KIAA1217: variants seen among roughly 807,000 people sequenced by gnomAD.
KIAA1217 encodes the protein sickle tail protein homolog.
Under a neutral mutation model 163.9 loss-of-function variants are expected in KIAA1217, and 88 were observed. The ratio of observed to expected loss-of-function variants is 0.54; its 90% confidence interval spans 0.45 to 0.64. The LOEUF is 0.64. Ranked by LOEUF, KIAA1217 falls within the 30% of genes least tolerant of loss-of-function variation. KIAA1217 has a pLI of 0.00. For missense variants in KIAA1217, 2,372 were observed against 2,475.0 expected (o/e 0.96, Z 0.88); for synonymous variants, 903 against 923.1 (o/e 0.98, Z 0.39).
Position 24,545,909 on chromosome 10 carries a change from C to T in KIAA1217, c.5417C>T (p.Ser1806Phe). The T allele has an allele frequency of 6.2e-7, 1 of 1,614,176 alleles. No homozygotes were observed. The change falls in exon 21 of 21, where the codon TCT (serine) becomes TTT (phenylalanine). Residue 1806 changes from serine (S) to phenylalanine (F), a missense_variant. Ser to Phe is a radical substitution (Grantham distance 155). Coordinates refer to ENST00000376454, the MANE Select transcript of KIAA1217 (RefSeq NM_019590.5). Reference protein sequence around the residue: ...SLPASKIPALSPSSGKSSSLP... With the variant: ...SLPASKIPALFPSSGKSSSLP... Reference sequence around the variant, plus strand: ...CCTGCTTCTAAGATTCCAGCCCTTTCTCCCAGCTCTGGGAAAAGCAGTTCT... The same window carrying T: ...CCTGCTTCTAAGATTCCAGCCCTTTTTCCCAGCTCTGGGAAAAGCAGTTCT...
intron 1 of KIAA1217, among the ~76,000 whole-genome samples, chr10:23,857,686 T>C (rs895552936): frequency 6.6e-6 from 1 of 152,108 alleles, no homozygotes; most frequent in South Asian, 2.1e-4. Context: ...CCACATTGCC[T>C]CTAAGAATTT....
intron 1 of KIAA1217, among the ~76,000 whole-genome samples, chr10:23,821,588 C>T (rs1837623441): frequency 6.6e-6 from 1 of 152,172 alleles, no homozygotes; most frequent in Non-Finnish European, 1.5e-5. Context: ...TTTTAATAGC[C>T]AGTTTCTTGG....
At chr10:24,396,477 T>C (rs564919830) in intron 3 of KIAA1217, among the ~76,000 whole-genome samples, 39 of 152,072 alleles carry the variant, frequency 2.6e-4, no homozygotes, top group African/African-American at 9.4e-4. Flanking sequence ...ATATAATAGA[T>C]GGTATAAGTG....
chr10:24,348,453 G>T (rs2048068612), intron 2 of KIAA1217, among the ~76,000 whole-genome samples: 1 of 151,950 alleles, frequency 6.6e-6, no homozygotes, highest in Admixed American at 6.6e-5. Context: ...TATATTAAAT[G>T]GTGAAAATAT....
chr10:24,276,014 C>G (rs938240345), intron 2 of KIAA1217, among the ~76,000 whole-genome samples: 2 of 152,144 alleles, frequency 1.3e-5, no homozygotes, highest in African/African-American at 4.8e-5. Context: ...CTGACCATTT[C>G]TTTTTCCACT....
chr10:24,340,524 T>C (rs1171141597), intron 2 of KIAA1217, among the ~76,000 whole-genome samples: 3 of 152,192 alleles, frequency 2.0e-5, no homozygotes, highest in Non-Finnish European at 2.9e-5. Context: ...AGTCTTGGTA[T>C]GTCTTTATCA....
chr10:24,462,203 A>G (rs1247666216), intron 5 of KIAA1217, among the ~76,000 whole-genome samples: 3 of 151,650 alleles, frequency 2.0e-5, no homozygotes, highest in Non-Finnish European at 4.4e-5. Flanking sequence ...TAACTAATAT[A>G]TAACTAATTA....
chr10:23,779,329 C>T (rs1281946544), intron 1 of KIAA1217, among the ~76,000 whole-genome samples: 1 of 152,160 alleles, frequency 6.6e-6, no homozygotes, highest in African/African-American at 2.4e-5. Context: ...ATCCAAGCTC[C>T]TCCTTTTCTT....
intron 2 of KIAA1217, among the ~76,000 whole-genome samples, chr10:24,191,238 A>G (rs1447917094): frequency 6.6e-6 from 1 of 152,172 alleles, no homozygotes; most frequent in Non-Finnish European, 1.5e-5. Flanking sequence ...TTTTTTCATA[A>G]TGTAGTTTTA....
At chr10:24,267,544 C>T (rs527943471) in intron 2 of KIAA1217, among the ~76,000 whole-genome samples, 4 of 152,240 alleles carry the variant, frequency 2.6e-5, no homozygotes, top group African/African-American at 9.6e-5. Context: ...AACTCCTGGC[C>T]TCAAATGATC....
intron 1 of KIAA1217, among the ~76,000 whole-genome samples, chr10:23,847,975 C>T (rs146344247): frequency 1.6e-4 from 24 of 152,216 alleles, no homozygotes; most frequent in Middle Eastern, 6.8e-3. Context: ...TCGTTATGTA[C>T]CCAGTGGTCA....
At chr10:23,772,112 A>T (rs1030363792) in intron 1 of KIAA1217, among the ~76,000 whole-genome samples, 16 of 152,226 alleles carry the variant, frequency 1.1e-4, no homozygotes, top group African/African-American at 2.9e-4. Flanking sequence ...ATTTAAGAAA[A>T]GTAAAATATA....
chr10:24,357,049 C>T (rs1286401786), intron 2 of KIAA1217, among the ~76,000 whole-genome samples: 1 of 152,268 alleles, frequency 6.6e-6, no homozygotes, highest in East Asian at 1.9e-4. Flanking sequence ...GACTCTCAGC[C>T]CAGTGCTCTC....
intron 2 of KIAA1217, among the ~76,000 whole-genome samples, chr10:24,191,789 T>C (rs890688810): frequency 1.3e-4 from 20 of 152,224 alleles, no homozygotes; most frequent in African/African-American, 4.8e-4. Context: ...AGTCTCGCTC[T>C]GTTGCCCAGG....
chr10:23,773,260 A>G (rs1468000769), intron 1 of KIAA1217, among the ~76,000 whole-genome samples: 1 of 152,210 alleles, frequency 6.6e-6, no homozygotes, highest in African/African-American at 2.4e-5. Flanking sequence ...TTTGTCAAAG[A>G]TCAGATAGTT....
At chr10:23,842,473 A>G (rs372962594) in intron 1 of KIAA1217, among the ~76,000 whole-genome samples, 5 of 152,148 alleles carry the variant, frequency 3.3e-5, no homozygotes, top group African/African-American at 1.2e-4. Flanking sequence ...GGTAGACAAG[A>G]TAACCATTCT....
chr10:23,931,287 AAG>A (rs1244494760), intron 1 of KIAA1217, among the ~76,000 whole-genome samples: 1 of 152,198 alleles, frequency 6.6e-6, no homozygotes, highest in African/African-American at 2.4e-5. Context: ...CCCAGAGGGA[AAG>A]AGTGACTTGT....
intron 1 of KIAA1217, among the ~76,000 whole-genome samples, chr10:23,819,445 T>A (rs1588885158): frequency 6.6e-6 from 1 of 152,128 alleles, no homozygotes; most frequent in East Asian, 1.9e-4. Context: ...CAGTGAGAGA[T>A]GACGTGGACT....
At chr10:24,384,771 C>T (rs867867258) in intron 3 of KIAA1217, among the ~76,000 whole-genome samples, 14 of 152,314 alleles carry the variant, frequency 9.2e-5, no homozygotes, top group Non-Finnish European at 1.8e-4. Context: ...CTCCTGACCT[C>T]GTGATCCGCC....
Sources: allele counts gnomAD v4.1 joint callset (sites outside exome capture counted in the v4.1 genomes callset), GRCh38; gene constraint gnomAD v4.1.1; transcripts MANE v1.5; gene names NCBI Gene and HGNC (gene_info 2026-07-23, HGNC 2026-07-21).